The following ACSL4 variants were observed in gnomAD, a reference collection of about 807,000 sequenced individuals.
The protein encoded by ACSL4 is long-chain-fatty-acid--CoA ligase 4.
ACSL4 carries 9 observed loss-of-function variants against 49.1 expected under a neutral mutation model. The observed-to-expected ratio is 0.18, with a 90% confidence interval of 0.11 to 0.32. The LOEUF is 0.32. Ranked by LOEUF, ACSL4 falls within the 10% of genes least tolerant of loss-of-function variation. ACSL4 has a pLI of 1.00. For missense variants in ACSL4, 333 were observed against 493.7 expected (o/e 0.67, Z 3.08); for synonymous variants, 191 against 170.3 (o/e 1.12, Z -0.95).
chrX:109,674,676 C>T (rs773510427), intron 8 of ACSL4, among the ~76,000 whole-genome samples: 2 of 112,085 alleles, frequency 1.8e-5, no homozygotes, highest in Non-Finnish European at 3.8e-5. Context: ...GCACATTTCA[C>T]CTTCCTTAGA....
intron 12 of ACSL4, among the ~76,000 whole-genome samples, chrX:109,664,598 T>TA (rs777381136): frequency 8.9e-6 from 1 of 111,881 alleles, no homozygotes; most frequent in Admixed American, 9.4e-5. Flanking sequence ...ACACACATAA[T>TA]AAAAAATGCT....
At chrX:109,645,084 G>C (rs1356198866) in intron 15 of ACSL4, among the ~76,000 whole-genome samples, 4 of 112,539 alleles carry the variant, frequency 3.6e-5, no homozygotes, top group South Asian at 3.7e-4. Context: ...AGGTGGCAGG[G>C]AGGCTGGGGG....
At chrX:109,674,501 C>T (rs1489606196) in intron 8 of ACSL4, 28 bp from the exon 9 acceptor site, 1 of 1,044,881 alleles carries the variant, frequency 9.6e-7, no homozygotes, top group Non-Finnish European at 1.3e-6. Context: ...TAAATATGAT[C>T]AGGAAAACCA....
chrX:109,678,941 T>A (rs1167623630), intron 6 of ACSL4, among the ~76,000 whole-genome samples: 1 of 112,254 alleles, frequency 8.9e-6, no homozygotes, highest in Non-Finnish European at 1.9e-5. Context: ...AGAGCAATGT[T>A]GTGGAAAGAT....
chrX:109,730,860 G>T (rs770121219), intron 1 of ACSL4, among the ~76,000 whole-genome samples: 1 of 111,367 alleles, frequency 9.0e-6, no homozygotes, highest in Admixed American at 9.5e-5. Flanking sequence ...TAGAGACGGG[G>T]TTCCACCGTA....
At chrX:109,652,559 G>A (rs1921232013) in intron 15 of ACSL4, among the ~76,000 whole-genome samples, 3 of 111,328 alleles carry the variant, frequency 2.7e-5, no homozygotes, top group African/African-American at 6.5e-5. Context: ...TAACTACAGT[G>A]CACCTCTGAT....
At chrX:109,710,567 C>T (rs764667500) in intron 1 of ACSL4, among the ~76,000 whole-genome samples, 1 of 112,551 alleles carries the variant, frequency 8.9e-6, no homozygotes, top group African/African-American at 3.2e-5. Flanking sequence ...AAAAAACACA[C>T]TTGTATCTTA....
At chrX:109,724,236 TG>T (rs966941821) in intron 1 of ACSL4, among the ~76,000 whole-genome samples, 1 of 111,407 alleles carries the variant, frequency 9.0e-6, no homozygotes, top group African/African-American at 3.3e-5. Context: ...ACTTTGTGTG[TG>T]TGTGGTTTTG....
intron 6 of ACSL4, among the ~76,000 whole-genome samples, chrX:109,679,693 C>T (rs1294803715): frequency 8.9e-6 from 1 of 112,470 alleles, no homozygotes; most frequent in Non-Finnish European, 1.9e-5. Flanking sequence ...ATCACAATAA[C>T]TGTCTGTACC....
At chrX:109,712,099 G>A (rs1030183881) in intron 1 of ACSL4, among the ~76,000 whole-genome samples, 1 of 111,458 alleles carries the variant, frequency 9.0e-6, no homozygotes, top group Admixed American at 9.5e-5. Context: ...TTGAACAGGA[G>A]AAGTGGCATT....
chrX:109,653,985 AAT>A lies in ACSL4; in HGVS notation c.1855+5367_1855+5368del, dbSNP rs1232093437. Among the ~76,000 whole-genome samples, 24 of 107,650 alleles carry A rather than the reference AAT, an allele frequency of 2.2e-4. No individual in the cohort carries two copies. The East Asian group carries it at 2.6e-3, about 12-fold the overall frequency. 93.5% of individuals were successfully genotyped at this position (107,650 alleles called of 115,157 possible). A position where few individuals can be genotyped will look rare whatever the true frequency, so the allele number is the denominator to read the frequency against. ...ATTTTTAAAAAAATTTATTTGAAAA[AAT>A]ATATATATATATATTCTCTTTGACT... is the stretch of plus-strand genomic sequence containing the variant. On this transcript the variant is annotated intron_variant, in intron 15 of 15. Coordinates refer to ENST00000672401, the MANE Select transcript of ACSL4 (RefSeq NM_001318510.2).
At chrX:109,645,414 T>C (rs1456244128) in intron 15 of ACSL4, among the ~76,000 whole-genome samples, 1 of 112,124 alleles carries the variant, frequency 8.9e-6, no homozygotes, top group African/African-American at 3.2e-5. Context: ...AGGGGCAGAC[T>C]GACACCTCAC....
Position 109,659,239 on chromosome X carries a change from G to T in ACSL4, c.1855+115C>A, listed in dbSNP as rs188972332. On this transcript the variant is annotated intron_variant, in intron 15 of 15. Coordinates refer to ENST00000672401, the MANE Select transcript of ACSL4 (RefSeq NM_001318510.2). The stretch of plus-strand genomic sequence containing the variant: ...ATCCATTATACATATTTAAGAAATA[G>T]GTTTCTTAAAATCCTGTATTTTATT... The T allele has an allele frequency of 8.8e-4, 607 of 691,255 alleles. 3 individuals carry two copies. In the African/African-American group the frequency reaches 0.012, roughly 13 times the overall value. 57.0% of individuals were successfully genotyped at this position (691,255 alleles called of 1,213,427 possible).
chrX:109,659,131 TTG>T (rs1921953976), intron 15 of ACSL4, among the ~76,000 whole-genome samples: 1 of 112,244 alleles, frequency 8.9e-6, no homozygotes, highest in African/African-American at 3.2e-5. Context: ...GATGACCACT[TTG>T]GGAAAGATGT....
At chrX:109,686,332 C>A (rs1490242581) in intron 2 of ACSL4, among the ~76,000 whole-genome samples, 3 of 112,101 alleles carry the variant, frequency 2.7e-5, no homozygotes, top group Non-Finnish European at 5.6e-5. Flanking sequence ...TTTTGTGATA[C>A]CTCTTCATCA....
chrX:109,701,795 C>T (rs1466734947), intron 1 of ACSL4, among the ~76,000 whole-genome samples: 1 of 100,462 alleles, frequency 1.0e-5, no homozygotes, highest in Non-Finnish European at 2.0e-5. Flanking sequence ...TCGCCCACCT[C>T]GGCCTCCCAA....
At chrX:109,663,119 C>A in intron 13 of ACSL4, 92 bp downstream of exon 13, 1 of 820,369 alleles carries the variant, frequency 1.2e-6, no homozygotes, top group Non-Finnish European at 1.7e-6. Context: ...CTAATGGAAC[C>A]ATCAACTTTA....
At chrX:109,654,734 A>G (rs897469082) in intron 15 of ACSL4, among the ~76,000 whole-genome samples, 3 of 112,214 alleles carry the variant, frequency 2.7e-5, no homozygotes, top group African/African-American at 9.8e-5. Context: ...GTGCCTCTGA[A>G]GATAAGAGAT....
intron 2 of ACSL4, among the ~76,000 whole-genome samples, chrX:109,685,088 CTTTT>C (rs1203140186): frequency 9.0e-5 from 7 of 77,430 alleles, no homozygotes; most frequent in East Asian, 4.1e-4. Context: ...TCTTTTCTTT[CTTTT>C]TTTTTTTTTT....
Sources: gnomAD v4.1 joint callset for allele counts (sites outside exome capture counted in the v4.1 genomes callset) on GRCh38, gnomAD v4.1.1 for gene constraint, MANE v1.5 for transcripts, NCBI Gene and HGNC (gene_info 2026-07-23, HGNC 2026-07-21) for gene names.